Variants in IGF2BP3 observed in about 807,000 individuals in gnomAD.
IGF2BP3 encodes the protein insulin-like growth factor 2 mRNA-binding protein 3.
In IGF2BP3, 9 loss-of-function variants were observed where a neutral mutation model predicts 73.8. The observed-to-expected ratio is 0.12, with a 90% confidence interval of 0.07 to 0.21. IGF2BP3 has a LOEUF of 0.21. IGF2BP3 is among the 10% of genes least tolerant of loss of function. The pLI, the probability that IGF2BP3 is intolerant of heterozygous loss-of-function variation, is 1.00. For missense variants in IGF2BP3, 542 were observed against 714.0 expected (o/e 0.76, Z 2.75); for synonymous variants, 258 against 256.7 (o/e 1.01, Z -0.05).
chr7:23,390,345 T>TTA lies in IGF2BP3; in HGVS notation c.285+28430_285+28431insTA, dbSNP rs535543316. Among the ~76,000 whole-genome samples, 28 of 152,200 alleles carry TTA rather than the reference T, an allele frequency of 1.8e-4. No homozygotes were observed. The East Asian group carries it at 5.4e-3, about 29-fold the overall frequency. ...ACCTATAATGGGGAAGAAGTATATT[T>TTA]AAGTCATTCTTTAACTGAGGCTTCT... On this transcript the variant is annotated intron_variant, in intron 3 of 14. Coordinates refer to ENST00000258729, the MANE Select transcript of IGF2BP3 (RefSeq NM_006547.3).
intron 10 of IGF2BP3, among the ~76,000 whole-genome samples, chr7:23,320,947 C>CAAAAAAAAAAAAAAAAAAAAA (rs70966008): frequency 3.1e-5 from 3 of 96,534 alleles, no homozygotes; most frequent in South Asian, 3.0e-4. Context: ...AACTCTGTCT[C>CAAAAAAAAAAAAAAAAAAAAA]AAAAAAAAAA....
chr7:23,328,456 G>A (rs1784360384), intron 10 of IGF2BP3, among the ~76,000 whole-genome samples: 2 of 152,086 alleles, frequency 1.3e-5, no homozygotes, highest in South Asian at 4.2e-4. Context: ...GATCCACTGC[G>A]CCTGGCCCTT....
At chr7:23,449,435 T>C (rs1328174816) in intron 2 of IGF2BP3, among the ~76,000 whole-genome samples, 1 of 151,690 alleles carries the variant, frequency 6.6e-6, no homozygotes, top group Non-Finnish European at 1.5e-5. Flanking sequence ...GAAAATGGCA[T>C]GAAACCGGGA....
At chr7:23,318,980 TC>T (rs1453398006) in intron 11 of IGF2BP3, among the ~76,000 whole-genome samples, 157 bp downstream of exon 11, 1 of 152,236 alleles carries the variant, frequency 6.6e-6, no homozygotes, top group Non-Finnish European at 1.5e-5. Context: ...GAAGTTAGCC[TC>T]CTTGGTGTAA....
At chr7:23,368,104 G>T (rs1785432395) in intron 3 of IGF2BP3, among the ~76,000 whole-genome samples, 1 of 151,950 alleles carries the variant, frequency 6.6e-6, no homozygotes, top group Admixed American at 6.6e-5. Context: ...TGAATGTAAT[G>T]GTACAAAATT....
At chr7:23,421,313 T>G (rs1159907965) in intron 2 of IGF2BP3, among the ~76,000 whole-genome samples, 1 of 151,990 alleles carries the variant, frequency 6.6e-6, no homozygotes, top group East Asian at 1.9e-4. Context: ...CCTGGCAGTA[T>G]TTTCTATAAA....
intron 10 of IGF2BP3, among the ~76,000 whole-genome samples, chr7:23,332,735 C>T (rs955294031): frequency 6.6e-6 from 1 of 152,168 alleles, no homozygotes; most frequent in Non-Finnish European, 1.5e-5. Flanking sequence ...CCTTTATGGC[C>T]TTTTTTATTT....
chr7:23,328,688 G>A (rs890047568), intron 10 of IGF2BP3, among the ~76,000 whole-genome samples: 1 of 152,094 alleles, frequency 6.6e-6, no homozygotes, highest in Admixed American at 6.6e-5. Flanking sequence ...ATTTGTCTAG[G>A]AATTACCAAG....
rs1784208841 is a variant in IGF2BP3 at position 23,323,309 on chromosome 7, A to T, written c.1204-4055T>A. On this transcript the variant is annotated intron_variant, in intron 10 of 14. Transcript: ENST00000258729. ...AACAGACTTTAAACCAACAAAGATC[A>T]AAAGAGACAAAGAAGGCCATTACAT... Among the ~76,000 whole-genome samples the T allele has an allele frequency of 1.4e-5, 2 of 147,610 alleles. 1 individual carries two copies. Among genetic ancestry groups the T allele is most frequent in the South Asian group, 4.3e-4 (2 of 4,640 alleles).
At chr7:23,321,735 C>G (rs1424099132) in intron 10 of IGF2BP3, among the ~76,000 whole-genome samples, 2 of 152,208 alleles carry the variant, frequency 1.3e-5, no homozygotes, top group Non-Finnish European at 2.9e-5. Context: ...TGAGAACGGG[C>G]AGACTGCCTC....
rs557137819 is a variant in IGF2BP3 at position 23,331,091 on chromosome 7, G to T, written c.1203+10973C>A. Among the ~76,000 whole-genome samples the T allele has an allele frequency of 2.0e-5, 3 of 152,126 alleles. No individual in the cohort carries two copies. In the South Asian group the frequency reaches 6.2e-4, roughly 32 times the overall value. On this transcript the variant is annotated intron_variant, in intron 10 of 14. Transcript: ENST00000258729. Reference sequence around the variant, plus strand: ...TGGGATTACAGGCATGAGCCACTGCGCCCGGCTGCTTTATTTTTCATAAAA... The same window carrying T: ...TGGGATTACAGGCATGAGCCACTGCTCCCGGCTGCTTTATTTTTCATAAAA...
chr7:23,448,545 G>A (rs1277788814), intron 2 of IGF2BP3, among the ~76,000 whole-genome samples: 8 of 152,064 alleles, frequency 5.3e-5, no homozygotes, highest in Non-Finnish European at 1.2e-4. Flanking sequence ...TGGGACTACA[G>A]GCATGCACCA....
chr7:23,333,945 C>G (rs987512536), intron 10 of IGF2BP3, among the ~76,000 whole-genome samples: 1 of 152,158 alleles, frequency 6.6e-6, no homozygotes, highest in African/African-American at 2.4e-5. Flanking sequence ...AGAAAATTTT[C>G]CTCTGGGAAT....
Position 23,343,845 on chromosome 7 carries a change from T to C in IGF2BP3, c.950A>G (p.Glu317Gly). The C allele has an allele frequency of 6.2e-7, 1 of 1,610,770 alleles. No individual in the cohort carries two copies. The highest frequency in any genetic ancestry group is 8.5e-7 in the Non-Finnish European group (1 of 1,179,336). Residue 317 changes from glutamate to glycine, a missense_variant, in exon 9 of 15, where the codon GAA becomes GGA. Physicochemically the swap from Glu to Gly is moderately conservative, Grantham distance 98. Coordinates refer to ENST00000258729, the MANE Select transcript of IGF2BP3 (RefSeq NM_006547.3). ...DTKITISPLQ[E>G]LTLYNPERTI... is the part of the protein sequence containing the mutation. ...GCGTTCTGGATTATACAGCGTCAAT[T>C]CCTGCAATCTGCAGAATGAAAAAGA... is the stretch of plus-strand genomic sequence containing the variant.
At position 23,433,244 on chromosome 7, in the gene IGF2BP3, A is replaced by G. The variant is rs1480411992; in HGVS notation, c.237-14420T>C. 2.6e-5 allele frequency among the ~76,000 whole-genome samples: 4 copies of G among 152,144 alleles called. No individual in the cohort carries two copies. The East Asian group carries it at 7.7e-4, about 29-fold the overall frequency. On this transcript the variant is annotated intron_variant, in intron 2 of 14. Transcript: ENST00000258729. ...ATAAATATCATTATATTTTTTTCCC[A>G]GCAACAAGATATTTTTAAACAGTGA...
At position 23,449,489 on chromosome 7, in the gene IGF2BP3, C is replaced by T. The variant is rs536865516; in HGVS notation, c.236+18993G>A. 1.4e-4 allele frequency among the ~76,000 whole-genome samples: 21 copies of T among 151,802 alleles called. No homozygotes were observed. The East Asian group carries it at 3.3e-3, about 24-fold the overall frequency. On this transcript the variant is annotated intron_variant, in intron 2 of 14. Transcript: ENST00000258729. ...CCGAGATAGCGCCACTGCACTCCAG[C>T]CTGGGACACAGCGAGACTCCGTCTA... is the stretch of plus-strand genomic sequence containing the variant.
intron 2 of IGF2BP3, among the ~76,000 whole-genome samples, chr7:23,438,504 T>G (rs555143352): frequency 6.6e-6 from 1 of 151,416 alleles, no homozygotes; most frequent in East Asian, 1.9e-4. Context: ...AGTCACCATC[T>G]AAGGTAAATG....
intron 3 of IGF2BP3, among the ~76,000 whole-genome samples, chr7:23,378,090 G>A (rs1228104802): frequency 6.6e-6 from 1 of 151,942 alleles, no homozygotes; most frequent in Non-Finnish European, 1.5e-5. Flanking sequence ...TCAGAAAGGT[G>A]AATTTTATGA....
chr7:23,372,426 C>A (rs1785582140), intron 3 of IGF2BP3, among the ~76,000 whole-genome samples: 1 of 152,064 alleles, frequency 6.6e-6, no homozygotes, highest in South Asian at 2.1e-4. Flanking sequence ...CACCCATCAC[C>A]CAGGTAGTGT....
Sources: allele counts gnomAD v4.1 joint callset (sites outside exome capture counted in the v4.1 genomes callset), GRCh38; gene constraint gnomAD v4.1.1; transcripts MANE v1.5; gene names NCBI Gene and HGNC (gene_info 2026-07-23, HGNC 2026-07-21).